Variants in BORCS8 observed in about 807,000 individuals in gnomAD.
The protein encoded by BORCS8 is BLOC-1 related complex subunit 8.
A neutral mutation model predicts 18.7 loss-of-function variants in BORCS8; 13 were observed. That is an observed-to-expected ratio of 0.70 (90% CI 0.45 to 1.11). BORCS8 has a LOEUF of 1.11. Ranked by LOEUF, BORCS8 falls within the 50% of genes least tolerant of loss-of-function variation. BORCS8 has a pLI of 0.00. For missense variants in BORCS8, 165 were observed against 165.7 expected, an observed-to-expected ratio of 1.00 and a Z score of 0.02; for synonymous variants, 68 against 64.8, an observed-to-expected ratio of 1.05 and a Z score of -0.24.
Position 19,182,610 on chromosome 19 carries a change from T to C in BORCS8, c.289A>G (p.Ile97Val). 1 of 1,551,384 alleles carries C rather than the reference T, an allele frequency of 6.4e-7. No homozygotes were observed. The highest frequency in any genetic ancestry group is 8.7e-7 in the Non-Finnish European group (1 of 1,146,940). Residue 97 changes from isoleucine to valine, a missense_variant, in exon 4 of 6, where the codon ATC becomes GTC. Coordinates refer to ENST00000462790, the MANE Select transcript of BORCS8 (RefSeq NM_001145784.2). This position sits in a 1 kb window ranked among gnomAD's most constrained non-coding sequence, Gnocchi z 4.1. ...GCACTGGCATTCATATGGTCCCGGA[T>C]GCTGATGGCCTGTTTGAGCAGACCC... is the stretch of plus-strand genomic sequence containing the variant. ...VEGLLKQAIS[I>V]RDHMNASAQG...
intron 3 of BORCS8, among the ~76,000 whole-genome samples, chr19:19,185,566 G>A (rs1226867686): frequency 6.6e-6 from 1 of 152,202 alleles, no homozygotes; most frequent in Non-Finnish European, 1.5e-5. Flanking sequence ...GGCGCCTGTA[G>A]TCCCAGCTAC....
intron 1 of BORCS8, among the ~76,000 whole-genome samples, chr19:19,188,358 A>T (rs1255135341): frequency 1.3e-5 from 2 of 151,578 alleles, no homozygotes. Context: ...AGGTCTTGCT[A>T]TGTGGCCCAG....
intron 1 of BORCS8, among the ~76,000 whole-genome samples, chr19:19,187,312 T>G (rs933717572): frequency 2.0e-5 from 3 of 151,910 alleles, no homozygotes; most frequent in African/African-American, 7.2e-5. Context: ...CCATCTCTAC[T>G]AAAAATACAA....
intron 5 of BORCS8, 73 bp downstream of exon 5, chr19:19,180,613 G>C: frequency 1.9e-6 from 2 of 1,067,098 alleles, no homozygotes; most frequent in African/African-American, 3.1e-5. Flanking sequence ...GCAGGTGCCT[G>C]CCTGGCTGCC....
At chr19:19,191,569 T>A (rs1472170230) in intron 1 of BORCS8, among the ~76,000 whole-genome samples, 2 of 149,984 alleles carry the variant, frequency 1.3e-5, no homozygotes, top group Non-Finnish European at 3.0e-5. Flanking sequence ...ATTACAAATA[T>A]CAGGTTGTTG....
chr19:19,186,924 C>T lies in BORCS8; in HGVS notation c.119G>A (p.Arg40His), dbSNP rs569962796. Residue 40 changes from arginine to histidine, a missense_variant, in exon 2 of 6, where the codon CGT becomes CAT. Transcript: ENST00000462790. ...VALYRLQEHV[R>H]RSLPELAQHK... ...CTGGGCCAGCTCGGGGAGGGAGCGACGCACATGCTCCTGCAGCCGGTACAG... is the reference window on the plus strand; with the variant it reads ...CTGGGCCAGCTCGGGGAGGGAGCGATGCACATGCTCCTGCAGCCGGTACAG... 192 of 1,550,758 alleles carry T rather than the reference C, an allele frequency of 1.2e-4. No homozygotes were observed. Among genetic ancestry groups the T allele is most frequent in the East Asian group, 2.7e-4 (11 of 40,890 alleles).
In BORCS8 at chr19:19,182,692, GGA is replaced by G; in HGVS notation, c.216-11_216-10del. On this transcript the variant is annotated splice_polypyrimidine_tract_variant and intron_variant, in intron 3 of 5. Transcript: ENST00000462790. The surrounding 1 kb of genome is among the most constrained non-coding windows in gnomAD (Gnocchi z 4.1). The stretch of plus-strand genomic sequence containing the variant: ...CCAGGTTCTTCACGGCGCTGAAACG[GGA>G]GGACAGGCCTGGTCAGCGCTCCGGA... 6.5e-7 allele frequency: 1 copy of G among 1,549,444 alleles called. No homozygotes were observed. The highest frequency in any genetic ancestry group is 1.2e-5 in the South Asian group (1 of 84,006).
chr19:19,177,723 G>GAA (rs2060312877), intron 5 of BORCS8: 2 of 168,936 alleles, frequency 1.2e-5, no homozygotes, highest in African/African-American at 5.3e-5. Context: ...GAAAAGAAAA[G>GAA]AAAAGAAAAG....
At position 19,182,645 on chromosome 19, in the gene BORCS8, C is replaced by G; in HGVS notation, c.254G>C (p.Arg85Pro). ...KNLVDSSVYF[R>P]SVEGLLKQAI... ...CTGTTTGAGCAGACCCTCCACGCTG[C>G]GGAAGTAGACGCTGCTGTCCACCAG... is the stretch of plus-strand genomic sequence containing the variant. Residue 85 changes from arginine to proline, a missense_variant, in exon 4 of 6, where the codon CGC becomes CCC. By Grantham distance (103) the Arg-to-Pro change is moderately radical (BLOSUM62 -2). Transcript: ENST00000462790. The surrounding 1 kb of genome is among the most constrained non-coding windows in gnomAD (Gnocchi z 4.1). 1 of 1,551,144 alleles carries G rather than the reference C, an allele frequency of 6.4e-7. No individual in the cohort carries two copies. The highest frequency in any genetic ancestry group is 8.7e-7 in the Non-Finnish European group (1 of 1,146,882).
chr19:19,182,354 C>A lies in BORCS8; in HGVS notation c.326+219G>T. On this transcript the variant is annotated intron_variant, in intron 4 of 5. Coordinates refer to ENST00000462790, the MANE Select transcript of BORCS8 (RefSeq NM_001145784.2). This position sits in a 1 kb window ranked among gnomAD's most constrained non-coding sequence, Gnocchi z 4.1. ...CTCGGTCACTGCTATGTCCCCAGTG[C>A]CCAGCCCAGGGCCAGGCACACAGCA... The A allele has an allele frequency of 7.9e-7, 1 of 1,267,710 alleles. No homozygotes were observed. Among genetic ancestry groups the A allele is most frequent in the Non-Finnish European group, 1.0e-6 (1 of 977,028 alleles). 78.5% of individuals were successfully genotyped at this position (1,267,710 alleles called of 1,614,324 possible).
chr19:19,191,668 C>T (rs916208503), intron 1 of BORCS8, among the ~76,000 whole-genome samples: 2 of 152,038 alleles, frequency 1.3e-5, no homozygotes, highest in Admixed American at 1.3e-4. Context: ...CAGCCTTGAC[C>T]TCCCGGGCTC....
intron 1 of BORCS8, among the ~76,000 whole-genome samples, chr19:19,187,811 A>G (rs62135500): frequency 8.0e-4 from 121 of 151,546 alleles, no homozygotes; most frequent in Admixed American, 7.9e-3. Flanking sequence ...TGCTGGGATT[A>G]CAGGCTTGAG....
At chr19:19,188,814 G>A (rs186755878) in intron 1 of BORCS8, among the ~76,000 whole-genome samples, 73 of 151,990 alleles carry the variant, frequency 4.8e-4, no homozygotes, top group African/African-American at 1.7e-3. Context: ...CTTCTCCCCT[G>A]CAGGTGTCTC....
chr19:19,182,546 G>T lies in BORCS8; in HGVS notation c.326+27C>A, dbSNP rs1194888182. 5.2e-6 allele frequency: 8 copies of T among 1,545,426 alleles called. No homozygotes were observed. Among genetic ancestry groups the T allele is most frequent in the African/African-American group, 1.4e-5 (1 of 73,046 alleles). ...ACGGTCCTTGCAGCTGGGAGTGGCA[G>T]TGGGGGCGGGCGGTCCCAGGAGCTA... On this transcript the variant is annotated intron_variant, in intron 4 of 5. Coordinates refer to ENST00000462790, the MANE Select transcript of BORCS8 (RefSeq NM_001145784.2). This position sits in a 1 kb window ranked among gnomAD's most constrained non-coding sequence, Gnocchi z 4.1.
At chr19:19,189,046 G>A (rs948725871) in intron 1 of BORCS8, among the ~76,000 whole-genome samples, 8 of 152,076 alleles carry the variant, frequency 5.3e-5, no homozygotes, top group African/African-American at 1.9e-4. Flanking sequence ...TGTTGGCCAG[G>A]CTGGTCTCGA....
intron 3 of BORCS8, among the ~76,000 whole-genome samples, chr19:19,183,569 C>T (rs2146417909): frequency 6.6e-6 from 1 of 151,714 alleles, no homozygotes; most frequent in Admixed American, 6.6e-5. Flanking sequence ...GACTTGGGAG[C>T]TGAATATTTT....
Position 19,186,897 on chromosome 19 carries a change from T to C in BORCS8, c.146A>G (p.His49Arg). The C allele has an allele frequency of 1.9e-6, 3 of 1,546,594 alleles. No homozygotes were observed. Among genetic ancestry groups the C allele is most frequent in the Non-Finnish European group, 2.6e-6 (3 of 1,144,708 alleles). ...VRRSLPELAQ[H>R]KADMQRWEEQ... ...TCCCAGCAGGCCCCAGCTCACCTTG[T>C]GCTGGGCCAGCTCGGGGAGGGAGCG... The change falls in exon 2 of 6, where the codon CAC becomes CGC. Residue 49 changes from histidine to arginine, a missense_variant. His to Arg is a conservative substitution (Grantham distance 29). Transcript: ENST00000462790.
At chr19:19,186,816 A>G in intron 2 of BORCS8, 77 bp downstream of exon 2, 11 of 1,096,538 alleles carry the variant, frequency 1.0e-5, no homozygotes, top group Non-Finnish European at 1.3e-5. Flanking sequence ...CTTTGCCACC[A>G]CATGCCTCCT....
chr19:19,186,792 C>T (rs771544760), intron 2 of BORCS8, 101 bp downstream of exon 2: 18 of 738,706 alleles, frequency 2.4e-5, no homozygotes, highest in Non-Finnish European at 3.7e-5. Flanking sequence ...CTGTCCACCA[C>T]GCCTCTGACC....
Sources: allele counts gnomAD v4.1 joint callset (sites outside exome capture counted in the v4.1 genomes callset), GRCh38; gene constraint gnomAD v4.1.1; non-coding constraint Gnocchi (gnomAD v3.1); transcripts MANE v1.5; gene names NCBI Gene and HGNC (gene_info 2026-07-23, HGNC 2026-07-21).